Variants in TFEC observed in about 807,000 individuals in gnomAD.
TFEC encodes the protein class E basic helix-loop-helix protein 34.
Under a neutral mutation model 41.6 loss-of-function variants are expected in TFEC, and 31 were observed. The ratio of observed to expected loss-of-function variants is 0.74; its 90% CI spans 0.56 to 1.01. TFEC has a LOEUF of 1.01. Among genes scored for constraint, TFEC ranks in the 50% least tolerant of loss-of-function variants. The probability of loss-of-function intolerance (pLI) is 0.00; values close to 1 mark genes in which losing one functional copy is unlikely to be tolerated. For synonymous variants in TFEC, 143 were observed against 140.6 expected (o/e 1.02, Z -0.12); for missense variants, 402 against 404.1 (o/e 0.99, Z 0.04).
At chr7:116,087,697 T>C (rs947803454) in intron 3 of TFEC, among the ~76,000 whole-genome samples, 1 of 152,070 alleles carries the variant, frequency 6.6e-6, no homozygotes, top group Non-Finnish European at 1.5e-5. Flanking sequence ...GAAGGTATCT[T>C]TGAGAACAAT....
intron 1 of TFEC, among the ~76,000 whole-genome samples, chr7:116,019,726 A>G (rs1795322719): frequency 6.6e-6 from 1 of 152,176 alleles, no homozygotes. Context: ...TAAGACACCC[A>G]TACAGTATTT....
In TFEC at chr7:115,984,266, C is replaced by G. The variant is rs780367761; in HGVS notation, c.176G>C (p.Trp59Ser). The G allele has an allele frequency of 1.9e-6, 3 of 1,613,484 alleles. No homozygotes were observed. The highest frequency in any genetic ancestry group is 1.7e-6 in the Non-Finnish European group (2 of 1,179,564). Reference sequence around the variant, plus strand: ...ATAACCAGCCATTAGACATACATGCCATTGTGCATTGTCATCTTCTTTCCC... The same window carrying G: ...ATAACCAGCCATTAGACATACATGCGATTGTGCATTGTCATCTTCTTTCCC... Reference protein sequence around the residue: ...AIGKEDDNAQWHMEDVIEDII... With the variant: ...AIGKEDDNAQSHMEDVIEDII... The change falls in exon 2 of 8, where the codon TGG becomes TCG. Residue 59 changes from tryptophan to serine, a missense_variant. Physicochemically the swap from Trp to Ser is radical, Grantham distance 177. Transcript: ENST00000265440.
Position 115,942,058 on chromosome 7 carries a change from A to G in TFEC, c.516-18T>C. On this transcript the variant is annotated intron_variant, in intron 6 of 7. Transcript: ENST00000265440. Reference sequence around the variant, plus strand: ...GCATATCACTGTAGAATGGAGAGATAACCTTTTCACAATTGTGCATGTCAG... The same window carrying G: ...GCATATCACTGTAGAATGGAGAGATGACCTTTTCACAATTGTGCATGTCAG... 3.1e-6 allele frequency: 5 copies of G among 1,596,290 alleles called. No homozygotes were observed. Among genetic ancestry groups the G allele is most frequent in the Non-Finnish European group, 4.3e-6 (5 of 1,170,812 alleles).
At chr7:116,034,687 T>TACAC (rs58308740), upstream of TFEC, among the ~76,000 whole-genome samples, 32,844 of 148,242 alleles carry the variant, frequency 0.22, 3,943 homozygotes, top group East Asian at 0.47. Context: ...CAGGCATGCA[T>TACAC]ACACACACAC....
Position 116,029,248 on chromosome 7 carries a change from T to TA in TFEC, c.-73+1384dup, listed in dbSNP as rs534654942. ...ATATGTATTCCATTTGTTTTAGAGCTAAAAAAAAAAGTTTAAAAAAACTTC... is the reference window on the plus strand; with the variant it reads ...ATATGTATTCCATTTGTTTTAGAGCTAAAAAAAAAAAGTTTAAAAAAACTTC... On this transcript the variant is annotated intron_variant, in intron 1 of 7. Transcript: ENST00000265440. Among the ~76,000 whole-genome samples the TA allele has an allele frequency of 2.4e-4, 35 of 147,692 alleles. 1 individual carries two copies. Among genetic ancestry groups the TA allele is most frequent in the South Asian group, 4.3e-4 (2 of 4,662 alleles).
chr7:115,942,361 A>G (rs1313052602), intron 6 of TFEC, among the ~76,000 whole-genome samples: 1 of 152,058 alleles, frequency 6.6e-6, no homozygotes, highest in Non-Finnish European at 1.5e-5. Context: ...CTCCAAGATT[A>G]AAATCTATGT....
At chr7:116,004,795 A>G (rs538454085) in intron 1 of TFEC, among the ~76,000 whole-genome samples, 4 of 152,210 alleles carry the variant, frequency 2.6e-5, no homozygotes, top group Non-Finnish European at 5.9e-5. Context: ...TTGGAAAAAA[A>G]AAAAACATAA....
In TFEC at chr7:115,937,920, T is replaced by C. The variant is rs1793308748; in HGVS notation, c.*2631A>G. On this transcript the variant is annotated 3_prime_UTR_variant, in exon 8 of 8. Coordinates refer to ENST00000265440, the MANE Select transcript of TFEC (RefSeq NM_012252.4). ...TATAACTCACTAGATTCTCAAGGTATCTGCCTTAAAAAGTTAAGAACTACC... is the reference window on the plus strand; with the variant it reads ...TATAACTCACTAGATTCTCAAGGTACCTGCCTTAAAAAGTTAAGAACTACC... 1 of 151,926 alleles carries C rather than the reference T, an allele frequency of 6.6e-6. No homozygotes were observed. Among genetic ancestry groups the C allele is most frequent in the Non-Finnish European group, 1.5e-5 (1 of 67,876 alleles). 9.4% of individuals were successfully genotyped at this position (151,926 alleles called of 1,614,324 possible).
At chr7:116,019,813 T>C (rs181342778) in intron 1 of TFEC, among the ~76,000 whole-genome samples, 3 of 152,336 alleles carry the variant, frequency 2.0e-5, no homozygotes, top group African/African-American at 7.2e-5. Flanking sequence ...CCCTTATGAT[T>C]AGAATTCCTT....
chr7:115,977,005 C>G (rs139106669), intron 2 of TFEC, among the ~76,000 whole-genome samples: 3 of 152,138 alleles, frequency 2.0e-5, no homozygotes, highest in African/African-American at 7.2e-5. Flanking sequence ...ACTACTATCC[C>G]TCATTTCTGT....
chr7:116,149,307 G>A (rs1203384940), intron 1 of TFEC, among the ~76,000 whole-genome samples: 2 of 152,052 alleles, frequency 1.3e-5, no homozygotes, highest in African/African-American at 4.8e-5. Flanking sequence ...ACTAGATGCT[G>A]GTGAGAGTTA....
At chr7:115,955,820 A>G (rs1017352071) in intron 4 of TFEC, among the ~76,000 whole-genome samples, 1 of 152,056 alleles carries the variant, frequency 6.6e-6, no homozygotes, top group Non-Finnish European at 1.5e-5. Flanking sequence ...TTAAAACTAT[A>G]GTCATTAATT....
chr7:116,099,761 T>C (rs1164323042), intron 3 of TFEC, among the ~76,000 whole-genome samples: 1 of 152,186 alleles, frequency 6.6e-6, no homozygotes, highest in Non-Finnish European at 1.5e-5. Flanking sequence ...CATAGTTGTT[T>C]TAGGTCACTG....
chr7:116,129,801 G>A (rs1056230188), intron 1 of TFEC, among the ~76,000 whole-genome samples: 4 of 151,634 alleles, frequency 2.6e-5, no homozygotes, highest in Admixed American at 6.6e-5. Flanking sequence ...ATATTCTTAC[G>A]TTCTATAATT....
intron 1 of TFEC, among the ~76,000 whole-genome samples, chr7:116,022,127 C>A (rs1324451357): frequency 6.6e-6 from 1 of 152,042 alleles, no homozygotes; most frequent in African/African-American, 2.4e-5. Context: ...CATGTGTCCT[C>A]TAACAAGGGA....
rs73460648 is a variant in TFEC at position 116,014,510 on chromosome 7, T to C, written c.-73+16123A>G. ...ACTTTAAAAAAGAAAAAAAATTCAT[T>C]GAAAATTTACAAATTAAAACAAAAA... On this transcript the variant is annotated intron_variant, in intron 1 of 7. Transcript: ENST00000265440. Among the ~76,000 whole-genome samples the C allele has an allele frequency of 5.6e-3, 848 of 152,270 alleles. 9 individuals carry two copies. The highest frequency in any genetic ancestry group is 0.02 in the African/African-American group (819 of 41,554).
intron 1 of TFEC, among the ~76,000 whole-genome samples, chr7:115,993,372 G>A (rs969161454): frequency 1.3e-5 from 2 of 152,168 alleles, no homozygotes; most frequent in Non-Finnish European, 2.9e-5. Flanking sequence ...ACAGGCAGGA[G>A]AAAGAAATAA....
chr7:116,133,337 G>A (rs1798371331), intron 1 of TFEC, among the ~76,000 whole-genome samples: 1 of 152,128 alleles, frequency 6.6e-6, no homozygotes, highest in South Asian at 2.1e-4. Context: ...ATGACTTGAG[G>A]CCAGGAGTTC....
At chr7:116,043,717 T>G (rs182587704) in intron 3 of TFEC, among the ~76,000 whole-genome samples, 5 of 152,286 alleles carry the variant, frequency 3.3e-5, no homozygotes, top group Admixed American at 6.5e-5. Context: ...ATCTGAGTAT[T>G]GAACAGAGTG....
Sources: gnomAD v4.1 joint callset for allele counts (sites outside exome capture counted in the v4.1 genomes callset) on GRCh38, gnomAD v4.1.1 for gene constraint, MANE v1.5 for transcripts, NCBI Gene and HGNC (gene_info 2026-07-23, HGNC 2026-07-21) for gene names.